ATP6V0A1: variants seen among roughly 807,000 people sequenced by gnomAD.
The protein encoded by ATP6V0A1 is ATPase H+ transporting V0 subunit a1, also known as V-type proton ATPase 116 kDa subunit a 1.
ATP6V0A1 carries 43 observed loss-of-function variants against 105.4 expected under a neutral mutation model. The ratio of observed to expected loss-of-function variants is 0.41; its 90% CI spans 0.32 to 0.53. The LOEUF (loss-of-function observed/expected upper bound fraction) is 0.53. Ranked by LOEUF, ATP6V0A1 falls within the 20% of genes least tolerant of loss-of-function variation. The pLI is 0.30. For synonymous variants in ATP6V0A1, 362 were observed against 372.8 expected (o/e 0.97, Z 0.33); for missense variants, 676 against 1,051.1 (o/e 0.64, Z 4.93).
chr17:42,508,098 C>G (rs995736407), intron 18 of ATP6V0A1, among the ~76,000 whole-genome samples: 13 of 152,176 alleles, frequency 8.5e-5, no homozygotes, highest in African/African-American at 4.8e-5. Flanking sequence ...TTTGTTTGAG[C>G]TTTTTTGGTG....
rs2092501704 is a variant in ATP6V0A1, at chr17:42,514,282, T to TC, written c.2249-3dup. On this transcript the variant is annotated splice_polypyrimidine_tract_variant and splice_region_variant and intron_variant, in intron 20 of 21. Transcript: ENST00000343619. ...CTGCACTGGATTTTGTGTCTCCCAT[T>TC]CCCCAGAGCTGTCTGAGGTGCTTTG... The TC allele has an allele frequency of 1.1e-5, 17 of 1,567,878 alleles. No homozygotes were observed. The highest frequency in any genetic ancestry group is 1.5e-5 in the Non-Finnish European group (17 of 1,157,046).
At chr17:42,508,964 C>T (rs1002859457) in intron 19 of ATP6V0A1, among the ~76,000 whole-genome samples, 3 of 152,006 alleles carry the variant, frequency 2.0e-5, no homozygotes, top group African/African-American at 2.4e-5. Flanking sequence ...TCCCAGCCAC[C>T]GGGAGTAGCC....
intron 5 of ATP6V0A1, among the ~76,000 whole-genome samples, chr17:42,472,559 A>G (rs2088125862): frequency 6.6e-6 from 1 of 151,078 alleles, no homozygotes; most frequent in Non-Finnish European, 1.5e-5. Context: ...CCCGTCTTCT[A>G]CTAAAAATAC....
intron 16 of ATP6V0A1, 78 bp from the exon 17 acceptor site, chr17:42,501,119 T>C (rs2091632081): frequency 8.0e-7 from 1 of 1,256,838 alleles, no homozygotes; most frequent in Admixed American, 2.0e-5. Context: ...TGGGGGAAAT[T>C]TGTGCCATAT....
intron 11 of ATP6V0A1, among the ~76,000 whole-genome samples, chr17:42,490,928 C>T (rs934316985): frequency 6.6e-6 from 1 of 152,098 alleles, no homozygotes; most frequent in African/African-American, 2.4e-5. Context: ...GGTGAAATCA[C>T]GGCTTACAGC....
intron 17 of ATP6V0A1, among the ~76,000 whole-genome samples, chr17:42,503,351 A>G (rs2091822476): frequency 6.6e-6 from 1 of 152,146 alleles, no homozygotes. Context: ...TTGAAAGTGA[A>G]AGTTTATACA....
chr17:42,473,667 A>T lies in ATP6V0A1; in HGVS notation c.423+3449A>T, dbSNP rs185044930. ...TTTACTGCTGAGATATTGCTATCTCATATGAAAATGTCTTTCAAGACCTCG... is the reference window on the plus strand; with the variant it reads ...TTTACTGCTGAGATATTGCTATCTCTTATGAAAATGTCTTTCAAGACCTCG... On this transcript the variant is annotated intron_variant, in intron 5 of 21. Transcript: ENST00000343619. Among the ~76,000 whole-genome samples the T allele has an allele frequency of 2.6e-5, 4 of 152,312 alleles. No individual in the cohort carries two copies. In the East Asian group the frequency reaches 7.7e-4, roughly 29 times the overall value.
intron 21 of ATP6V0A1, among the ~76,000 whole-genome samples, chr17:42,516,600 C>T (rs1389299768): frequency 6.6e-6 from 1 of 152,220 alleles, no homozygotes; most frequent in African/African-American, 2.4e-5. Context: ...TTTGAGGGAA[C>T]AGTGACCACC....
intron 4 of ATP6V0A1, among the ~76,000 whole-genome samples, chr17:42,469,550 G>A (rs2087595270): frequency 6.6e-6 from 1 of 151,850 alleles, no homozygotes; most frequent in African/African-American, 2.4e-5. Flanking sequence ...TGGCCAGGCT[G>A]GTCTTGAACT....
At chr17:42,515,456 G>A (rs536050950) in intron 21 of ATP6V0A1, among the ~76,000 whole-genome samples, 44 of 127,996 alleles carry the variant, frequency 3.4e-4, no homozygotes, top group African/African-American at 7.8e-4. Flanking sequence ...GCAACAGAGC[G>A]AGACTCTGTC....
intron 21 of ATP6V0A1, among the ~76,000 whole-genome samples, chr17:42,515,638 A>G (rs183970455): frequency 2.6e-5 from 4 of 152,000 alleles, no homozygotes; most frequent in African/African-American, 9.6e-5. Flanking sequence ...ATACAAAAAC[A>G]TTAGCCGGGC....
At chr17:42,491,042 T>C (rs1567840224) in intron 11 of ATP6V0A1, among the ~76,000 whole-genome samples, 1 of 151,970 alleles carries the variant, frequency 6.6e-6, no homozygotes. Context: ...AAAATTTTTT[T>C]AGAGATGGGT....
chr17:42,459,902 C>A (rs1015389171), intron 1 of ATP6V0A1, among the ~76,000 whole-genome samples: 1 of 152,130 alleles, frequency 6.6e-6, no homozygotes, highest in South Asian at 2.1e-4. Flanking sequence ...AGTATAGATG[C>A]CCTTATGACA....
At chr17:42,474,898 A>T (rs568775377) in intron 5 of ATP6V0A1, among the ~76,000 whole-genome samples, 3 of 152,196 alleles carry the variant, frequency 2.0e-5, no homozygotes, top group Admixed American at 6.5e-5. Flanking sequence ...GATGATTACA[A>T]ATTTGACTTA....
intron 16 of ATP6V0A1, 120 bp downstream of exon 16, chr17:42,501,043 A>G: frequency 8.2e-7 from 1 of 1,218,018 alleles, no homozygotes. Context: ...GGGCTTTGCC[A>G]CAAAATGTGA....
At chr17:42,489,042 G>A (rs1598888251) in intron 10 of ATP6V0A1, among the ~76,000 whole-genome samples, 2 of 147,836 alleles carry the variant, frequency 1.4e-5, no homozygotes, top group East Asian at 2.0e-4. Flanking sequence ...GGGTCACCAC[G>A]CCTGGTGGAT....
rs544009789 is a variant in ATP6V0A1 at position 42,517,219 on chromosome 17, G to T, written c.2420+2759G>T. Among the ~76,000 whole-genome samples, 8 of 152,288 alleles carry T rather than the reference G, an allele frequency of 5.3e-5. No homozygotes were observed. In the South Asian group the frequency reaches 1.7e-3, roughly 32 times the overall value. ...CGCTTGAACCCAGGAGATGGAGGTT[G>T]CAGTGAGCCAAGATCGCGCCACTGC... On this transcript the variant is annotated intron_variant, in intron 21 of 21. Transcript: ENST00000343619.
chr17:42,482,402 C>T (rs2089626195), intron 8 of ATP6V0A1, among the ~76,000 whole-genome samples: 2 of 152,184 alleles, frequency 1.3e-5, no homozygotes, highest in Non-Finnish European at 2.9e-5. Context: ...CTGCCTCAGC[C>T]TCCCAAAGTG....
At chr17:42,468,859 T>A (rs751520063) in intron 4 of ATP6V0A1, among the ~76,000 whole-genome samples, 1 of 152,082 alleles carries the variant, frequency 6.6e-6, no homozygotes, top group African/African-American at 2.4e-5. Context: ...TATTTTATTT[T>A]ATTTTATTTT....
Sources: gnomAD v4.1 joint callset for allele counts (sites outside exome capture counted in the v4.1 genomes callset) on GRCh38, gnomAD v4.1.1 for gene constraint, MANE v1.5 for transcripts, NCBI Gene and HGNC (gene_info 2026-07-23, HGNC 2026-07-21) for gene names.